The following ASPSCR1 variants were observed in gnomAD, a reference collection of about 807,000 sequenced individuals.
ASPSCR1 encodes the protein ASPSCR1 tether for SLC2A4, UBX domain containing.
In ASPSCR1, 55 loss-of-function variants were observed where a neutral mutation model predicts 68.9. That is an observed-to-expected ratio of 0.80 (90% CI 0.64 to 1.00). ASPSCR1 has a LOEUF of 1.00. ASPSCR1 is among the 50% of genes least tolerant of loss of function. The pLI is 0.00. For missense variants in ASPSCR1, 765 were observed against 762.2 expected, an observed-to-expected ratio of 1.00 and a Z score of -0.04; for synonymous variants, 352 against 332.6, an observed-to-expected ratio of 1.06 and a Z score of -0.63.
intron 5 of ASPSCR1, chr17:81,995,187 G>T (rs2042296511): frequency 1.2e-5 from 6 of 480,654 alleles, no homozygotes; most frequent in Middle Eastern, 5.3e-4. Context: ...GTGTGGCGTG[G>T]CGCAAGCAAA....
At chr17:81,988,018 C>T (rs758974348) in intron 4 of ASPSCR1, among the ~76,000 whole-genome samples, 28 of 150,260 alleles carry the variant, frequency 1.9e-4, no homozygotes, top group Non-Finnish European at 3.7e-4. Context: ...ATTAGCCGGG[C>T]GTGGTGGTGG....
chr17:81,981,703 C>G (rs982155715), intron 2 of ASPSCR1, among the ~76,000 whole-genome samples: 24 of 152,148 alleles, frequency 1.6e-4, no homozygotes, highest in African/African-American at 5.8e-4. Context: ...GAGTCTTGCT[C>G]TGTCACCTAG....
Position 81,977,660 on chromosome 17 carries a change from C to A in ASPSCR1, c.14C>A (p.Ala5Glu). The change falls in exon 1 of 16, where the codon GCA becomes GAA. Residue 5 changes from alanine (A) to glutamate (E), a missense_variant. Physicochemically the swap from Ala to Glu is moderately radical, Grantham distance 107. Transcript: ENST00000306739. This position sits in a 1 kb window ranked among gnomAD's most constrained non-coding sequence, Gnocchi z 5.0. ...CGTGAGCGGAAAATGGCGGCCCCGG[C>A]AGGCGGCGGAGGCTCCGCGGTGTCG... is the stretch of plus-strand genomic sequence containing the variant. MAAP[A>E]GGGGSAVSVL... is the part of the protein sequence containing the mutation. The A allele has an allele frequency of 7.2e-7, 1 of 1,398,252 alleles. No homozygotes were observed. The highest frequency in any genetic ancestry group is 9.3e-7 in the Non-Finnish European group (1 of 1,072,538). 86.6% of individuals were successfully genotyped at this position (1,398,252 alleles called of 1,614,324 possible).
Position 82,017,330 on chromosome 17 carries a change from C to G in ASPSCR1, c.*8C>G, listed in dbSNP as rs774097823. 2 of 1,611,382 alleles carry G rather than the reference C, an allele frequency of 1.2e-6. No individual in the cohort carries two copies. Among genetic ancestry groups the G allele is most frequent in the South Asian group, 2.2e-5 (2 of 91,080 alleles). Reference sequence around the variant, plus strand: ...ACAGCCAGCAAGAGGTGAGAGCTGCCAGCCTGAGGTGCCCACTCCGCCAGC... The same window carrying G: ...ACAGCCAGCAAGAGGTGAGAGCTGCGAGCCTGAGGTGCCCACTCCGCCAGC... On this transcript the variant is annotated 3_prime_UTR_variant, in exon 16 of 16. Coordinates refer to ENST00000306739, the MANE Select transcript of ASPSCR1 (RefSeq NM_024083.4).
At chr17:82,002,289 C>T (rs975459808) in intron 7 of ASPSCR1, among the ~76,000 whole-genome samples, 1 of 151,168 alleles carries the variant, frequency 6.6e-6, no homozygotes, top group African/African-American at 2.4e-5. Context: ...GAGACAGTCT[C>T]GCGCTGTCAC....
chr17:81,993,690 C>T (rs565135789), intron 4 of ASPSCR1, among the ~76,000 whole-genome samples: 23 of 152,372 alleles, frequency 1.5e-4, no homozygotes, highest in African/African-American at 5.3e-4. Context: ...GACACTGCAG[C>T]ACCCTGCCCT....
chr17:82,012,024 C>G (rs1366626994), intron 11 of ASPSCR1: 1 of 685,954 alleles, frequency 1.5e-6, no homozygotes, highest in East Asian at 2.7e-5. Context: ...GGGTGGTGTC[C>G]CCTGCAGGTG....
chr17:81,985,119 T>C (rs1433027579), intron 3 of ASPSCR1, among the ~76,000 whole-genome samples: 1 of 135,284 alleles, frequency 7.4e-6, no homozygotes, highest in Non-Finnish European at 1.6e-5. Flanking sequence ...CACACCTGCA[T>C]GTAAACATGC....
At chr17:81,978,725 G>A (rs1449564529) in intron 1 of ASPSCR1, 2 of 208,094 alleles carry the variant, frequency 9.6e-6, no homozygotes, top group African/African-American at 4.7e-5. Context: ...CAGAGGCTGC[G>A]CGGGACCCCT....
chr17:82,009,613 G>T (rs1329649626), intron 9 of ASPSCR1, 46 bp downstream of exon 9: 1 of 1,528,612 alleles, frequency 6.5e-7, no homozygotes, highest in Non-Finnish European at 8.8e-7. Context: ...GCTCTGAGGG[G>T]GCCCCCCGTG....
intron 1 of ASPSCR1, chr17:81,978,006 C>T (rs1255256807): frequency 1.2e-5 from 3 of 260,296 alleles, no homozygotes; most frequent in Non-Finnish European, 2.2e-5. Context: ...CGCGTGTCAC[C>T]CGCATCGAGT....
Position 81,999,746 on chromosome 17 carries a change from A to G in ASPSCR1, c.933+2900A>G, listed in dbSNP as rs2042467270. Among the ~76,000 whole-genome samples the G allele has an allele frequency of 6.6e-6, 1 of 152,062 alleles. No homozygotes were observed. The highest frequency in any genetic ancestry group is 2.4e-5 in the African/African-American group (1 of 41,428). ...GTCCCGGAACTCAGGTGAGGTCAGGAGTTTGCTTCCTCCTCCTCTGGCCAC... is the reference window on the plus strand; with the variant it reads ...GTCCCGGAACTCAGGTGAGGTCAGGGGTTTGCTTCCTCCTCCTCTGGCCAC... On this transcript the variant is annotated intron_variant, in intron 7 of 15. Coordinates refer to ENST00000306739, the MANE Select transcript of ASPSCR1 (RefSeq NM_024083.4). The surrounding 1 kb of genome is among the most constrained non-coding windows in gnomAD (Gnocchi z 4.4).
At chr17:81,985,637 C>T (rs1567958579) in intron 4 of ASPSCR1, 30 bp downstream of exon 4, 1 of 1,597,290 alleles carries the variant, frequency 6.3e-7, no homozygotes, top group Non-Finnish European at 8.6e-7. Context: ...GGGCTCTTCC[C>T]TACCCTGTTT....
intron 4 of ASPSCR1, among the ~76,000 whole-genome samples, chr17:81,992,481 G>A (rs1325942502): frequency 6.6e-6 from 1 of 152,208 alleles, no homozygotes; most frequent in Non-Finnish European, 1.5e-5. Flanking sequence ...CCAAGCTGGC[G>A]GTCAGTGCCG....
At chr17:82,008,165 A>G (rs2042785929) in intron 7 of ASPSCR1, 1 of 152,746 alleles carries the variant, frequency 6.5e-6, no homozygotes, top group Non-Finnish European at 1.5e-5. Flanking sequence ...GCTGTCACCC[A>G]GTGTGGGCAT....
At position 82,015,354 on chromosome 17, in the gene ASPSCR1, C is replaced by T. The variant is rs554183485; in HGVS notation, c.1354-1122C>T. 4.1e-5 allele frequency: 65 copies of T among 1,596,668 alleles called. No homozygotes were observed. In the East Asian group the frequency reaches 1.2e-3, roughly 29 times the overall value. ...TGGGCACAAGCACGTGGGGACAGGCCGGGTAGGCTGCCTGGCTCAGTGCTC... is the reference window on the plus strand; with the variant it reads ...TGGGCACAAGCACGTGGGGACAGGCTGGGTAGGCTGCCTGGCTCAGTGCTC... On this transcript the variant is annotated intron_variant, in intron 12 of 15. Coordinates refer to ENST00000306739, the MANE Select transcript of ASPSCR1 (RefSeq NM_024083.4).
intron 9 of ASPSCR1, 89 bp from the exon 10 acceptor site, chr17:82,010,713 G>A: frequency 1.4e-6 from 2 of 1,403,090 alleles, no homozygotes; most frequent in East Asian, 2.3e-5. Context: ...TGGTGTCCAT[G>A]GCCCAGCATG....
chr17:82,000,102 G>A (rs1335195546), intron 7 of ASPSCR1, among the ~76,000 whole-genome samples: 1 of 152,240 alleles, frequency 6.6e-6, no homozygotes, highest in African/African-American at 2.4e-5. Context: ...CTCCGGGTGA[G>A]CAGGGGCTGA....
At chr17:81,995,857 A>T (rs1182654209) in intron 5 of ASPSCR1, 135 bp from the exon 6 acceptor site, 9 of 821,678 alleles carry the variant, frequency 1.1e-5, no homozygotes, top group Non-Finnish European at 1.8e-5. Flanking sequence ...CAGGGGCCAG[A>T]TGTGGGGGGT....
Sources: allele counts gnomAD v4.1 joint callset (sites outside exome capture counted in the v4.1 genomes callset), GRCh38; gene constraint gnomAD v4.1.1; non-coding constraint Gnocchi (gnomAD v3.1); transcripts MANE v1.5; gene names NCBI Gene and HGNC (gene_info 2026-07-23, HGNC 2026-07-21).